The following PHYKPL variants were observed in gnomAD, a reference collection of about 807,000 sequenced individuals.
PHYKPL encodes 5-phosphonooxy-L-lysine phospho-lyase.
A neutral mutation model predicts 51.3 loss-of-function variants in PHYKPL; 42 were observed. The ratio of observed to expected loss-of-function variants is 0.82; its 90% CI spans 0.64 to 1.06. The LOEUF (loss-of-function observed/expected upper bound fraction) is 1.06, where lower values mean the gene tolerates loss of function less well. Among genes scored for constraint, PHYKPL ranks in the 50% least tolerant of loss-of-function variants. PHYKPL has a pLI of 0.00. For missense variants in PHYKPL, 655 were observed against 586.6 expected (o/e 1.12, Z -1.20); for synonymous variants, 264 against 236.0 (o/e 1.12, Z -1.09).
At chr5:178,207,284 G>A (rs1757109462), downstream of PHYKPL, 4 of 1,600,984 alleles carry the variant, frequency 2.5e-6, no homozygotes, top group East Asian at 8.9e-5. Flanking sequence ...GCCCTTAGAG[G>A]GATGGGTTAG....
chr5:178,211,504 C>T (rs1304478593), intron 12 of PHYKPL: 5 of 194,120 alleles, frequency 2.6e-5, no homozygotes, highest in Admixed American at 2.3e-4. Flanking sequence ...GTGCCAGGGC[C>T]GTCTGAATTG....
chr5:178,221,909 T>C (rs1243765547), intron 8 of PHYKPL, among the ~76,000 whole-genome samples: 1 of 152,220 alleles, frequency 6.6e-6, no homozygotes, highest in African/African-American at 2.4e-5. Context: ...CCACTGAATA[T>C]GCCATGTGTC....
chr5:178,224,709 C>G lies in PHYKPL; in HGVS notation c.434G>C (p.Ser145Thr). ...VLDHAYHGHLSSLIDISPYKF... is the reference protein window; with the variant it reads ...VLDHAYHGHLTSLIDISPYKF... ...GTAGGGACTGATGTCAATCAGGGAG[C>G]TCAGGTGGCCGTGATACGCACTGGG... The change falls in exon 5 of 13, where the codon AGC becomes ACC. Residue 145 changes from serine (S) to threonine (T), a missense_variant. Physicochemically the swap from Ser to Thr is moderately conservative, Grantham distance 58 (BLOSUM62 1). Transcript: ENST00000308158. 6.2e-7 allele frequency: 1 copy of G among 1,614,034 alleles called. No individual in the cohort carries two copies. The highest frequency in any genetic ancestry group is 1.1e-5 in the South Asian group (1 of 91,058).
At chr5:178,231,833 C>T in intron 1 of PHYKPL, 1 of 1,359,886 alleles carries the variant, frequency 7.4e-7, no homozygotes, top group South Asian at 1.2e-5. Context: ...AAGGTGGCTG[C>T]CCCGTCCCAT....
intron 10 of PHYKPL, among the ~76,000 whole-genome samples, chr5:178,213,813 G>A (rs185188611): frequency 6.6e-6 from 1 of 152,298 alleles, no homozygotes; most frequent in East Asian, 1.9e-4. Context: ...CCATGGCCAC[G>A]CCAGAAAGAA....
At chr5:178,219,635 A>C (rs569492263) in intron 8 of PHYKPL, among the ~76,000 whole-genome samples, 1 of 151,974 alleles carries the variant, frequency 6.6e-6, no homozygotes, top group East Asian at 2.0e-4. Flanking sequence ...ATTTTTCAGT[A>C]GAGATGGGGT....
At chr5:178,210,819 T>C (rs781650816) in intron 12 of PHYKPL, 1 of 603,764 alleles carries the variant, frequency 1.7e-6, no homozygotes, top group Non-Finnish European at 3.0e-6. Context: ...GCGTGTGGTG[T>C]CTGAGAGGCC....
At chr5:178,232,212 C>G (rs1763612979) in intron 1 of PHYKPL, 2 of 1,253,678 alleles carry the variant, frequency 1.6e-6, no homozygotes, top group Non-Finnish European at 2.0e-6. Flanking sequence ...CTGACACAGC[C>G]GAACAGCGGT....
intron 8 of PHYKPL, among the ~76,000 whole-genome samples, chr5:178,217,396 T>C (rs1359196811): frequency 1.3e-5 from 2 of 151,906 alleles, no homozygotes; most frequent in Non-Finnish European, 2.9e-5. Flanking sequence ...AATTTTTGTA[T>C]TTTTAGTAGA....
chr5:178,212,373 T>G (rs114413569), intron 11 of PHYKPL, among the ~76,000 whole-genome samples: 1 of 152,254 alleles, frequency 6.6e-6, no homozygotes, highest in Non-Finnish European at 1.5e-5. Flanking sequence ...CTGGCAGTTG[T>G]GATCTCTACT....
chr5:178,217,987 A>G (rs1486634083), intron 8 of PHYKPL, among the ~76,000 whole-genome samples: 27 of 146,542 alleles, frequency 1.8e-4, no homozygotes, highest in Non-Finnish European at 3.6e-4. Flanking sequence ...GGAGGCCGAG[A>G]CGGGCGGATC....
intron 8 of PHYKPL, among the ~76,000 whole-genome samples, chr5:178,221,436 A>C (rs551649087): frequency 9.2e-5 from 14 of 152,082 alleles, no homozygotes; most frequent in Non-Finnish European, 1.5e-4. Context: ...CTCATCCTCC[A>C]CGCTGTCATG....
At chr5:178,212,122 T>C (rs1758640152) in intron 11 of PHYKPL, 152 bp from the exon 12 acceptor site, 1 of 762,792 alleles carries the variant, frequency 1.3e-6, no homozygotes, top group African/African-American at 1.7e-5. Context: ...GTGGCAGCAG[T>C]TTCCTGAAAA....
chr5:178,229,103 A>AT (rs55725801), intron 3 of PHYKPL, among the ~76,000 whole-genome samples: 1,875 of 118,250 alleles, frequency 0.016, 33 homozygotes, highest in South Asian at 0.026. Flanking sequence ...TGATGAGACT[A>AT]TTTTTTTTTT....
intron 8 of PHYKPL, among the ~76,000 whole-genome samples, chr5:178,220,698 C>A (rs1760986842): frequency 7.2e-6 from 1 of 139,836 alleles, no homozygotes; most frequent in Non-Finnish European, 1.5e-5. Flanking sequence ...GAAAACTATT[C>A]AAAGCAGCAC....
intron 8 of PHYKPL, among the ~76,000 whole-genome samples, chr5:178,221,187 A>G (rs10080049): frequency 0.33 from 49,685 of 152,070 alleles, 8,726 homozygotes; most frequent in African/African-American, 0.42. Context: ...GATTCTATCT[A>G]ATTATGTACA....
chr5:178,210,905 T>G, intron 12 of PHYKPL: 1 of 496,864 alleles, frequency 2.0e-6, no homozygotes, highest in South Asian at 2.4e-5. Flanking sequence ...CTGCTGCCGC[T>G]CTGCAGCCTG....
intron 8 of PHYKPL, among the ~76,000 whole-genome samples, chr5:178,219,748 CCACAAATGGG>C (rs1379695035): frequency 1.3e-5 from 2 of 151,950 alleles, no homozygotes; most frequent in African/African-American, 4.8e-5. Context: ...CCGCACCCGA[CCACAAATGGG>C]CATTTCATTG....
intron 12 of PHYKPL, chr5:178,209,267 G>GT: frequency 7.9e-7 from 1 of 1,269,610 alleles, no homozygotes; most frequent in Non-Finnish European, 1.2e-6. Context: ...CAGTGAAGGT[G>GT]TTTGGGCAGT....
Sources: allele counts gnomAD v4.1 joint callset (sites outside exome capture counted in the v4.1 genomes callset), GRCh38; gene constraint gnomAD v4.1.1; transcripts MANE v1.5; gene names NCBI Gene and HGNC (gene_info 2026-07-23, HGNC 2026-07-21).